Variants in FRMD4B observed in about 807,000 individuals in gnomAD.
FRMD4B encodes the protein FERM domain-containing protein 4B.
A neutral mutation model predicts 141.5 loss-of-function variants in FRMD4B; 74 were observed. The observed-to-expected ratio is 0.52, with a 90% CI of 0.43 to 0.63. The LOEUF (loss-of-function observed/expected upper bound fraction) is 0.63. Ranked by LOEUF, FRMD4B falls within the 30% of genes least tolerant of loss-of-function variation. FRMD4B has a pLI of 0.00. For synonymous variants in FRMD4B, 506 were observed against 467.9 expected (o/e 1.08, Z -1.05); for missense variants, 1,366 against 1,253.4 (o/e 1.09, Z -1.36).
chr3:69,475,689 A>C (rs371099420), intron 1 of FRMD4B, among the ~76,000 whole-genome samples: 9 of 152,064 alleles, frequency 5.9e-5, no homozygotes, highest in Admixed American at 5.2e-4. Context: ...GTCTTTATAG[A>C]AGCATGATTT....
intron 1 of FRMD4B, among the ~76,000 whole-genome samples, chr3:69,526,727 A>C (rs1700936519): frequency 6.6e-6 from 1 of 152,192 alleles, no homozygotes; most frequent in African/African-American, 2.4e-5. Flanking sequence ...TGTCCCGAGA[A>C]CATAACAGGC....
intron 1 of FRMD4B, among the ~76,000 whole-genome samples, chr3:69,325,175 T>G (rs1460060726): frequency 6.6e-6 from 1 of 152,050 alleles, no homozygotes; most frequent in African/African-American, 2.4e-5. Flanking sequence ...CTGCTCTTGG[T>G]CAAGTGGCTC....
chr3:69,262,539 C>A lies in FRMD4B; in HGVS notation c.502-12440G>T, dbSNP rs936312305. 3.0e-5 allele frequency among the ~76,000 whole-genome samples: 4 copies of A among 135,500 alleles called. 1 individual carries two copies. The South Asian group carries it at 1.0e-3, about 34-fold the overall frequency. The allele number at this position is 135,500 out of a possible 152,430, so 88.9% of individuals were successfully genotyped here. A position where few individuals can be genotyped will look rare whatever the true frequency, so the allele number is the denominator to read the frequency against. ...GGAGTGCAATGGCTCGATCTCCACT[C>A]ATCATCGCCTCCCAGGTTCAAGTGA... On this transcript the variant is annotated intron_variant, in intron 5 of 22. Coordinates refer to ENST00000398540, the MANE Select transcript of FRMD4B (RefSeq NM_015123.3).
At chr3:69,271,541 C>T (rs567117744) in intron 5 of FRMD4B, among the ~76,000 whole-genome samples, 1 of 152,084 alleles carries the variant, frequency 6.6e-6, no homozygotes, top group East Asian at 1.9e-4. Context: ...CTTTGATTTT[C>T]ACAAATGCAC....
intron 1 of FRMD4B, among the ~76,000 whole-genome samples, chr3:69,381,979 T>C (rs1179802351): frequency 6.6e-6 from 1 of 152,200 alleles, no homozygotes; most frequent in Non-Finnish European, 1.5e-5. Flanking sequence ...TAATTCATTG[T>C]TATCTGCTTA....
At chr3:69,526,595 G>A (rs1417751387) in intron 1 of FRMD4B, among the ~76,000 whole-genome samples, 1 of 152,076 alleles carries the variant, frequency 6.6e-6, no homozygotes, top group Non-Finnish European at 1.5e-5. Context: ...AGCTGTGTGG[G>A]GCCGAGAAAA....
intron 1 of FRMD4B, among the ~76,000 whole-genome samples, chr3:69,347,906 C>A (rs1204456825): frequency 1.3e-5 from 2 of 152,170 alleles, no homozygotes; most frequent in African/African-American, 4.8e-5. Flanking sequence ...GACACCCTAA[C>A]ATCACAATTA....
At chr3:69,455,047 C>T (rs1349579925) in intron 1 of FRMD4B, among the ~76,000 whole-genome samples, 1 of 152,184 alleles carries the variant, frequency 6.6e-6, no homozygotes, top group Non-Finnish European at 1.5e-5. Context: ...TTATGTCTAG[C>T]TAAAGGATTG....
At chr3:69,525,642 C>T (rs1262373468) in intron 1 of FRMD4B, among the ~76,000 whole-genome samples, 2 of 152,060 alleles carry the variant, frequency 1.3e-5, no homozygotes, top group Admixed American at 1.3e-4. Flanking sequence ...TACATATTGT[C>T]TCTAATCTTT....
At chr3:69,355,686 A>T (rs904059490) in intron 1 of FRMD4B, among the ~76,000 whole-genome samples, 1 of 152,154 alleles carries the variant, frequency 6.6e-6, no homozygotes, top group Non-Finnish European at 1.5e-5. Context: ...GGGTAAGCTC[A>T]GGTTATGGTG....
intron 1 of FRMD4B, among the ~76,000 whole-genome samples, chr3:69,447,643 C>T (rs1383572280): frequency 6.6e-6 from 1 of 152,128 alleles, no homozygotes; most frequent in African/African-American, 2.4e-5. Context: ...TAGAAGATAA[C>T]AAAACATTTT....
At chr3:69,503,621 A>T (rs1706542066) in intron 1 of FRMD4B, among the ~76,000 whole-genome samples, 1 of 152,126 alleles carries the variant, frequency 6.6e-6, no homozygotes. Flanking sequence ...CTAATATGGC[A>T]CATGTATTCA....
intron 1 of FRMD4B, among the ~76,000 whole-genome samples, chr3:69,504,198 A>G (rs1706554633): frequency 6.6e-6 from 1 of 152,168 alleles, no homozygotes; most frequent in African/African-American, 2.4e-5. Flanking sequence ...AGTAAAGTAT[A>G]ACATCTTATA....
chr3:69,287,416 A>T (rs963031914), intron 5 of FRMD4B, among the ~76,000 whole-genome samples: 1 of 152,180 alleles, frequency 6.6e-6, no homozygotes, highest in Non-Finnish European at 1.5e-5. Flanking sequence ...TACCTTATTT[A>T]AAAAGATTTC....
In FRMD4B at chr3:69,307,905, T is replaced by A. The variant is rs983665236; in HGVS notation, c.323+3358A>T. Among the ~76,000 whole-genome samples, 5 of 152,314 alleles carry A rather than the reference T, an allele frequency of 3.3e-5. No individual in the cohort carries two copies. The East Asian group carries it at 9.6e-4, about 29-fold the overall frequency. On this transcript the variant is annotated intron_variant, in intron 3 of 22. Coordinates refer to ENST00000398540, the MANE Select transcript of FRMD4B (RefSeq NM_015123.3). Reference sequence around the variant, plus strand: ...TGACTAACAAGGCTCACCTATGATCTTGTCCCCACGATCAGGCCAACGTCT... The same window carrying A: ...TGACTAACAAGGCTCACCTATGATCATGTCCCCACGATCAGGCCAACGTCT...
chr3:69,181,279 A>T lies in FRMD4B; in HGVS notation c.2471T>A (p.Val824Asp). ...CTGTCCCTCGGTGTCATTCTCATAGACATAACCACCACTGTAATAAAAGTC... is the reference window on the plus strand; with the variant it reads ...CTGTCCCTCGGTGTCATTCTCATAGTCATAACCACCACTGTAATAAAAGTC... ...ECDFYYSGGYVYENDTEGQYS... is the reference protein window; with the variant it reads ...ECDFYYSGGYDYENDTEGQYS... Residue 824 changes from valine (V) to aspartate (D), a missense_variant, in exon 21 of 23, where the codon GTC becomes GAC. Transcript: ENST00000398540. 6.2e-7 allele frequency: 1 copy of T among 1,613,894 alleles called. No homozygotes were observed. The highest frequency in any genetic ancestry group is 2.2e-5 in the East Asian group (1 of 44,874).
chr3:69,206,505 A>G (rs2093025646), intron 11 of FRMD4B, among the ~76,000 whole-genome samples: 1 of 152,224 alleles, frequency 6.6e-6, no homozygotes, highest in Non-Finnish European at 1.5e-5. Flanking sequence ...ATCACACCCA[A>G]GTTTCCTCTG....
chr3:69,308,025 C>T (rs1352297183), intron 3 of FRMD4B, among the ~76,000 whole-genome samples: 1 of 152,150 alleles, frequency 6.6e-6, no homozygotes, highest in Admixed American at 6.5e-5. Context: ...ATCTCCCCTC[C>T]CATCTATTTA....
chr3:69,475,768 T>TA (rs1559539090), intron 1 of FRMD4B, among the ~76,000 whole-genome samples: 28 of 142,190 alleles, frequency 2.0e-4, no homozygotes, highest in African/African-American at 8.1e-4. Flanking sequence ...TCTAGATCCC[T>TA]GGGAATCGCC....
Sources: gnomAD v4.1 joint callset for allele counts (sites outside exome capture counted in the v4.1 genomes callset) on GRCh38, gnomAD v4.1.1 for gene constraint, MANE v1.5 for transcripts, NCBI Gene and HGNC (gene_info 2026-07-23, HGNC 2026-07-21) for gene names.